The following CPPED1 variants were observed in gnomAD, a reference collection of about 807,000 sequenced individuals.
CPPED1 encodes the protein serine/threonine-protein phosphatase CPPED1.
CPPED1 carries 28 observed loss-of-function variants against 28.0 expected under a neutral mutation model. The ratio of observed to expected loss-of-function variants is 1.00; its 90% CI spans 0.74 to 1.37. The LOEUF is 1.37. Ranked by LOEUF, CPPED1 falls within the 40% of genes most tolerant of loss-of-function variation. The pLI, the probability that CPPED1 is intolerant of heterozygous loss-of-function variation, is 0.00. For synonymous variants in CPPED1, 198 were observed against 180.2 expected (o/e 1.10, Z -0.79); for missense variants, 504 against 416.5 (o/e 1.21, Z -1.83).
intron 3 of CPPED1, among the ~76,000 whole-genome samples, chr16:12,684,725 T>C (rs1323697612): frequency 6.6e-6 from 1 of 152,218 alleles, no homozygotes; most frequent in African/African-American, 2.4e-5. Context: ...CCTACTGGTC[T>C]ATGAGCTCCT....
Position 12,664,881 on chromosome 16 carries a change from G to C in CPPED1, c.*5C>G. On this transcript the variant is annotated 3_prime_UTR_variant, in exon 4 of 4. Coordinates refer to ENST00000381774, the MANE Select transcript of CPPED1 (RefSeq NM_018340.3). This position sits in a 1 kb window ranked among gnomAD's most constrained non-coding sequence, Gnocchi z 4.2. ...GTGAAAAGTGAACGGGAACGGGAAG[G>C]AGCGTCATTTTTTCTTGATCAAATC... The C allele has an allele frequency of 6.2e-7, 1 of 1,608,010 alleles. No individual in the cohort carries two copies. The highest frequency in any genetic ancestry group is 1.1e-5 in the South Asian group (1 of 89,960).
Position 12,803,778 on chromosome 16 carries a change from G to T in CPPED1, c.-2C>A. Reference sequence around the variant, plus strand: ...ACCCCCCGCCTCTGCAGCCGACATGGCGAGCGAGTTTCTGGCCTTCACTTA... The same window carrying T: ...ACCCCCCGCCTCTGCAGCCGACATGTCGAGCGAGTTTCTGGCCTTCACTTA... On this transcript the variant is annotated 5_prime_UTR_variant, in exon 1 of 4. Transcript: ENST00000381774. 6.3e-7 allele frequency: 1 copy of T among 1,599,054 alleles called. No homozygotes were observed. Among genetic ancestry groups the T allele is most frequent in the Non-Finnish European group, 8.5e-7 (1 of 1,173,762 alleles).
At chr16:12,736,049 C>T (rs1424381801) in intron 2 of CPPED1, among the ~76,000 whole-genome samples, 2 of 152,124 alleles carry the variant, frequency 1.3e-5, no homozygotes, top group South Asian at 2.1e-4. Flanking sequence ...TGGAGCCTGA[C>T]GGAGCTTGGT....
At chr16:12,720,974 A>G (rs1033477988) in intron 2 of CPPED1, among the ~76,000 whole-genome samples, 17 of 152,224 alleles carry the variant, frequency 1.1e-4, no homozygotes, top group Admixed American at 1.1e-3. Flanking sequence ...GCATGTTGCC[A>G]TAGTATTTCA....
chr16:12,739,467 G>T (rs991033372), intron 2 of CPPED1, among the ~76,000 whole-genome samples: 2 of 152,132 alleles, frequency 1.3e-5, no homozygotes, highest in Non-Finnish European at 2.9e-5. Flanking sequence ...TGTAATCCCA[G>T]CTACTCAGGA....
chr16:12,723,804 T>C (rs531378026), intron 2 of CPPED1, among the ~76,000 whole-genome samples: 3 of 152,228 alleles, frequency 2.0e-5, no homozygotes, highest in African/African-American at 7.2e-5. Flanking sequence ...CCAGCTGCCA[T>C]GGGATAGGAC....
intron 3 of CPPED1, among the ~76,000 whole-genome samples, chr16:12,696,101 C>T (rs1275282213): frequency 2.0e-5 from 3 of 152,168 alleles, no homozygotes; most frequent in Non-Finnish European, 2.9e-5. Context: ...GTCTATCTTC[C>T]CGCATATCCC....
intron 2 of CPPED1, among the ~76,000 whole-genome samples, chr16:12,722,709 G>A (rs2080148018): frequency 6.6e-6 from 1 of 152,166 alleles, no homozygotes; most frequent in Admixed American, 6.5e-5. Context: ...CTGGATGACA[G>A]AATGAAGCCC....
At chr16:12,667,977 A>G (rs1461380613) in intron 3 of CPPED1, among the ~76,000 whole-genome samples, 1 of 152,240 alleles carries the variant, frequency 6.6e-6, no homozygotes, top group Non-Finnish European at 1.5e-5. Context: ...AAACCATAGA[A>G]AGAACCGCAG....
rs1337612407 is a variant in CPPED1, at chr16:12,665,203, T to C, written c.716-88A>G. On this transcript the variant is annotated intron_variant, in intron 3 of 3. Coordinates refer to ENST00000381774, the MANE Select transcript of CPPED1 (RefSeq NM_018340.3). Reference sequence around the variant, plus strand: ...CAGCATTTTATTCTGTGAACAGTAATATATTAAATATATTATTATACCATC... The same window carrying C: ...CAGCATTTTATTCTGTGAACAGTAACATATTAAATATATTATTATACCATC... 1.1e-5 allele frequency: 11 copies of C among 1,016,734 alleles called. No individual in the cohort carries two copies. The East Asian group carries it at 3.1e-4, about 29-fold the overall frequency. 63.0% of individuals were successfully genotyped at this position (1,016,734 alleles called of 1,614,324 possible).
intron 2 of CPPED1, among the ~76,000 whole-genome samples, chr16:12,707,081 C>A (rs191888496): frequency 9.5e-4 from 145 of 152,304 alleles, no homozygotes; most frequent in African/African-American, 3.4e-3. Flanking sequence ...ATGATCCTCT[C>A]TAAGACTCCA....
intron 3 of CPPED1, among the ~76,000 whole-genome samples, chr16:12,689,527 G>A (rs986844499): frequency 6.6e-5 from 10 of 151,780 alleles, no homozygotes; most frequent in African/African-American, 2.4e-4. Context: ...ACCACACCCA[G>A]CCAGTATTTC....
chr16:12,767,683 G>T (rs995586204), intron 2 of CPPED1, among the ~76,000 whole-genome samples: 3 of 152,366 alleles, frequency 2.0e-5, no homozygotes, highest in Admixed American at 6.5e-5. Flanking sequence ...CCCTACTGGG[G>T]TGCAGTGGCT....
intron 1 of CPPED1, among the ~76,000 whole-genome samples, chr16:12,800,872 A>G (rs569076210): frequency 1.3e-5 from 2 of 152,020 alleles, no homozygotes; most frequent in South Asian, 4.2e-4. Context: ...CTCCTCTTTT[A>G]GCAATCAGAC....
At chr16:12,730,272 G>T (rs909958053) in intron 2 of CPPED1, among the ~76,000 whole-genome samples, 1 of 152,136 alleles carries the variant, frequency 6.6e-6, no homozygotes, top group African/African-American at 2.4e-5. Flanking sequence ...AAAGTGTTCG[G>T]ATTACAGGTG....
chr16:12,767,786 C>T (rs551236288), intron 2 of CPPED1, among the ~76,000 whole-genome samples: 2 of 152,238 alleles, frequency 1.3e-5, no homozygotes, highest in African/African-American at 4.8e-5. Flanking sequence ...GGTGAAACTC[C>T]ATCTCTACTA....
chr16:12,698,431 A>AT (rs200822659), intron 3 of CPPED1, among the ~76,000 whole-genome samples: 3,222 of 151,912 alleles, frequency 0.021, 76 homozygotes, highest in African/African-American at 0.055. Flanking sequence ...AAAACTTTGA[A>AT]TTTTTTTTAT....
intron 3 of CPPED1, among the ~76,000 whole-genome samples, chr16:12,678,987 A>G (rs535420477): frequency 6.6e-6 from 1 of 152,252 alleles, no homozygotes; most frequent in African/African-American, 2.4e-5. Context: ...TATTTTTTAG[A>G]CTTTTGATAT....
At position 12,766,921 on chromosome 16, in the gene CPPED1, G is replaced by C. The variant is rs75768742; in HGVS notation, c.289+14264C>G. Among the ~76,000 whole-genome samples, 543 of 152,136 alleles carry C rather than the reference G, an allele frequency of 3.6e-3. 2 individuals are homozygous for C. Among genetic ancestry groups the C allele is most frequent in the African/African-American group, 0.011 (470 of 41,510 alleles). ...TCTACAATCATGGTCTGCTATGAGC[G>C]ACAGCATTCCCAGGTGGGAGCAGAA... is the stretch of plus-strand genomic sequence containing the variant. On this transcript the variant is annotated intron_variant, in intron 2 of 3. Coordinates refer to ENST00000381774, the MANE Select transcript of CPPED1 (RefSeq NM_018340.3).
Sources: allele counts gnomAD v4.1 joint callset (sites outside exome capture counted in the v4.1 genomes callset), GRCh38; gene constraint gnomAD v4.1.1; non-coding constraint Gnocchi (gnomAD v3.1); transcripts MANE v1.5; gene names NCBI Gene and HGNC (gene_info 2026-07-23, HGNC 2026-07-21).